The following ASTN1 variants were observed in gnomAD, a reference collection of about 807,000 sequenced individuals.
The protein encoded by ASTN1 is astrotactin 1, also known as astrotactin-1.
In ASTN1, 41 loss-of-function variants were observed where a neutral mutation model predicts 140.7. That is an observed-to-expected ratio of 0.29 (90% CI 0.23 to 0.38). ASTN1 has a LOEUF of 0.38. ASTN1 is among the 10% of genes least tolerant of loss of function. The pLI is 1.00. For synonymous variants in ASTN1, 640 were observed against 652.2 expected, an observed-to-expected ratio of 0.98 and a Z score of 0.29; for missense variants, 1,479 against 1,678.8, an observed-to-expected ratio of 0.88 and a Z score of 2.08.
chr1:177,109,951 C>T (rs1418898952), intron 1 of ASTN1, among the ~76,000 whole-genome samples: 1 of 152,214 alleles, frequency 6.6e-6, no homozygotes, highest in Non-Finnish European at 1.5e-5. Flanking sequence ...AAAAGTTCAG[C>T]TGAAGGCATC....
At chr1:177,140,686 A>G (rs1459475336) in intron 1 of ASTN1, among the ~76,000 whole-genome samples, 1 of 152,198 alleles carries the variant, frequency 6.6e-6, no homozygotes, top group East Asian at 1.9e-4. Context: ...AGCCAGGATT[A>G]TTCTCCCCAT....
chr1:176,923,408 C>T (rs1670822699), intron 16 of ASTN1, among the ~76,000 whole-genome samples: 1 of 152,166 alleles, frequency 6.6e-6, no homozygotes, highest in African/African-American at 2.4e-5. Flanking sequence ...GAACCCAGTT[C>T]TCCCAGATCC....
At chr1:176,887,985 C>G in intron 18 of ASTN1, 86 bp downstream of exon 18, 1 of 1,567,758 alleles carries the variant, frequency 6.4e-7, no homozygotes, top group Non-Finnish European at 8.7e-7. Context: ...TCTTTGTTTC[C>G]CAGTACCCAG....
chr1:177,052,567 C>T (rs1221661620), intron 2 of ASTN1, among the ~76,000 whole-genome samples: 1 of 152,178 alleles, frequency 6.6e-6, no homozygotes, highest in African/African-American at 2.4e-5. Context: ...CTGTAAACTG[C>T]CTCACTAAAA....
chr1:176,872,184 A>C (rs1190136273), intron 21 of ASTN1, among the ~76,000 whole-genome samples: 1 of 149,904 alleles, frequency 6.7e-6, no homozygotes, highest in Non-Finnish European at 1.5e-5. Context: ...AGCTATATTA[A>C]ATGTCAAACC....
chr1:177,146,175 T>A (rs1050380727), intron 1 of ASTN1, among the ~76,000 whole-genome samples: 2 of 152,240 alleles, frequency 1.3e-5, no homozygotes, highest in African/African-American at 4.8e-5. Flanking sequence ...GCAAATTTTT[T>A]AAATACTGGC....
intron 1 of ASTN1, among the ~76,000 whole-genome samples, chr1:177,081,893 AGAG>A (rs1351662409): frequency 1.3e-5 from 2 of 152,204 alleles, no homozygotes; most frequent in African/African-American, 4.8e-5. Flanking sequence ...TGGAAAACGC[AGAG>A]GAGAAGTGAA....
At chr1:177,091,972 C>T (rs1159371750) in intron 1 of ASTN1, among the ~76,000 whole-genome samples, 6 of 151,720 alleles carry the variant, frequency 4.0e-5, no homozygotes, top group Non-Finnish European at 7.4e-5. Context: ...TTTATGTATA[C>T]TTTTTTTGTG....
intron 1 of ASTN1, among the ~76,000 whole-genome samples, chr1:177,156,061 G>A (rs1339676676): frequency 6.6e-6 from 1 of 152,008 alleles, no homozygotes; most frequent in Non-Finnish European, 1.5e-5. Context: ...CACAAAGTCA[G>A]GAGTTTGAGA....
chr1:177,040,537 T>C (rs547848596), intron 2 of ASTN1, among the ~76,000 whole-genome samples: 1 of 152,252 alleles, frequency 6.6e-6, no homozygotes, highest in South Asian at 2.1e-4. Context: ...GGTGGGTAAA[T>C]ATAGGGACTA....
At chr1:176,942,880 TGTCTCCTTAAA>T (rs1671800876) in intron 14 of ASTN1, among the ~76,000 whole-genome samples, 1 of 110,030 alleles carries the variant, frequency 9.1e-6, no homozygotes, top group Non-Finnish European at 1.9e-5. Flanking sequence ...TGATGTCTCA[TGTCTCCTTAAA>T]ATGCGTAAAA....
intron 1 of ASTN1, among the ~76,000 whole-genome samples, chr1:177,100,664 A>G (rs868862935): frequency 2.6e-5 from 4 of 152,296 alleles, no homozygotes; most frequent in Middle Eastern, 3.4e-3. Flanking sequence ...AGATATTGAA[A>G]TTCCACTTGT....
chr1:177,073,427 T>C (rs1678740033), intron 1 of ASTN1, among the ~76,000 whole-genome samples: 1 of 151,846 alleles, frequency 6.6e-6, no homozygotes, highest in Non-Finnish European at 1.5e-5. Flanking sequence ...TTCCTTGGGT[T>C]TGAAAAACTT....
chr1:176,933,796 C>T (rs960558992), intron 16 of ASTN1, among the ~76,000 whole-genome samples: 1 of 152,130 alleles, frequency 6.6e-6, no homozygotes, highest in South Asian at 2.1e-4. Context: ...GAGACTGAAC[C>T]ACGCTCACTG....
intron 16 of ASTN1, among the ~76,000 whole-genome samples, chr1:176,922,875 T>C (rs1406139870): frequency 6.6e-6 from 1 of 152,186 alleles, no homozygotes; most frequent in Non-Finnish European, 1.5e-5. Flanking sequence ...GCTTCAAATT[T>C]CATTCAAATA....
chr1:177,150,113 G>A (rs1371221313), intron 1 of ASTN1, among the ~76,000 whole-genome samples: 1 of 151,960 alleles, frequency 6.6e-6, no homozygotes, highest in Admixed American at 6.6e-5. Flanking sequence ...TGAAATTGGA[G>A]ATAATATGCC....
At chr1:177,148,243 C>T (rs1055307917) in intron 1 of ASTN1, among the ~76,000 whole-genome samples, 3 of 151,894 alleles carry the variant, frequency 2.0e-5, no homozygotes, top group South Asian at 4.2e-4. Context: ...ACGGTGAAAC[C>T]CGGTCTCTAC....
chr1:176,973,693 C>T (rs540091982), intron 8 of ASTN1, among the ~76,000 whole-genome samples: 1 of 152,174 alleles, frequency 6.6e-6, no homozygotes, highest in Admixed American at 6.6e-5. Context: ...TGTGCTTCCT[C>T]AATAACTGAG....
intron 11 of ASTN1, among the ~76,000 whole-genome samples, chr1:176,956,803 C>T (rs1330262606): frequency 6.6e-6 from 1 of 152,232 alleles, no homozygotes. Context: ...TCTGCTCCTG[C>T]CTCCATTTCC....
Sources: allele counts gnomAD v4.1 joint callset (sites outside exome capture counted in the v4.1 genomes callset), GRCh38; gene constraint gnomAD v4.1.1; transcripts MANE v1.5; gene names NCBI Gene and HGNC (gene_info 2026-07-23, HGNC 2026-07-21).